The following PKNOX2 variants were observed in gnomAD, a reference collection of about 807,000 sequenced individuals.
The protein encoded by PKNOX2 is homeobox protein PKNOX2.
In PKNOX2, 14 loss-of-function variants were observed where a neutral mutation model predicts 53.1. That is an observed-to-expected ratio of 0.26 (90% confidence interval 0.17 to 0.41). The LOEUF is 0.41. PKNOX2 is among the 10% of genes least tolerant of loss of function. The probability of loss-of-function intolerance (pLI) is 1.00; values close to 1 mark genes in which losing one functional copy is unlikely to be tolerated. For missense variants in PKNOX2, 496 were observed against 602.8 expected (o/e 0.82, Z 1.85); for synonymous variants, 257 against 242.8 (o/e 1.06, Z -0.54).
At chr11:125,253,942 G>T (rs1022939006) in intron 2 of PKNOX2, among the ~76,000 whole-genome samples, 1 of 152,246 alleles carries the variant, frequency 6.6e-6, no homozygotes, top group African/African-American at 2.4e-5. Flanking sequence ...GGGGAAATGT[G>T]GGGGTTGGGA....
At chr11:125,263,305 C>T (rs1434650021) in intron 2 of PKNOX2, among the ~76,000 whole-genome samples, 1 of 152,222 alleles carries the variant, frequency 6.6e-6, no homozygotes, top group African/African-American at 2.4e-5. Flanking sequence ...CTCAGCCGCT[C>T]CCTTCCCGTC....
At chr11:125,407,885 T>C (rs986376837) in intron 7 of PKNOX2, among the ~76,000 whole-genome samples, 6 of 152,250 alleles carry the variant, frequency 3.9e-5, no homozygotes, top group African/African-American at 1.4e-4. Context: ...GTCTCATCGC[T>C]GAAAACTCAG....
At chr11:125,211,083 C>G (rs113864531) in intron 1 of PKNOX2, among the ~76,000 whole-genome samples, 1 of 152,114 alleles carries the variant, frequency 6.6e-6, no homozygotes, top group Non-Finnish European at 1.5e-5. Context: ...AGACAGTGAA[C>G]GTCAGTTCCC....
chr11:125,371,640 C>A (rs1952554089), intron 5 of PKNOX2, among the ~76,000 whole-genome samples: 2 of 151,810 alleles, frequency 1.3e-5, no homozygotes. Context: ...TAGGCCTGGC[C>A]AGGTGCGGGT....
rs1484661106 is a variant in PKNOX2 at position 125,433,037 on chromosome 11, T to C, written c.*1645T>C. 1 of 152,682 alleles carries C rather than the reference T, an allele frequency of 6.5e-6. No homozygotes were observed. Among genetic ancestry groups the C allele is most frequent in the Non-Finnish European group, 1.5e-5 (1 of 68,046 alleles). The allele number at this position is 152,682 out of a possible 1,614,324, so 9.5% of individuals were successfully genotyped here. ...AGGATTTTTGAGAAACAAATAACCT[T>C]ATTTATAATCTGGGTGATCCAATCA... On this transcript the variant is annotated 3_prime_UTR_variant, in exon 13 of 13. Transcript: ENST00000298282.
At chr11:125,196,497 G>A (rs922410229) in intron 1 of PKNOX2, among the ~76,000 whole-genome samples, 4 of 152,214 alleles carry the variant, frequency 2.6e-5, no homozygotes, top group Non-Finnish European at 5.9e-5. Flanking sequence ...TCACCAAGAA[G>A]CTTCATGCTG....
chr11:125,345,763 T>G (rs1366961936), intron 3 of PKNOX2, among the ~76,000 whole-genome samples: 5 of 152,184 alleles, frequency 3.3e-5, no homozygotes, highest in East Asian at 1.9e-4. Flanking sequence ...AAGATGAATA[T>G]CACACTATCA....
Position 125,366,930 on chromosome 11 carries a change from G to T in PKNOX2, c.88-916G>T, listed in dbSNP as rs189990767. 7.2e-5 allele frequency among the ~76,000 whole-genome samples: 11 copies of T among 152,294 alleles called. 1 individual carries two copies. The highest frequency in any genetic ancestry group is 7.2e-4 in the Admixed American group (11 of 15,298). On this transcript the variant is annotated intron_variant, in intron 4 of 12. Transcript: ENST00000298282. ...AGCTGGTGATGAAGGAGTGACCAAG[G>T]CCTCAGAGGAGAAGACAGATAAGTA...
intron 1 of PKNOX2, among the ~76,000 whole-genome samples, chr11:125,211,322 C>T (rs1374388875): frequency 2.6e-5 from 4 of 152,048 alleles, no homozygotes; most frequent in Non-Finnish European, 4.4e-5. Context: ...TTATGTATTC[C>T]TTTATTTGTT....
chr11:125,411,394 T>C (rs561418960), intron 9 of PKNOX2: 18 of 397,966 alleles, frequency 4.5e-5, no homozygotes, highest in South Asian at 3.5e-4. Flanking sequence ...TGCTGATAAC[T>C]ACTTGACAGC....
At chr11:125,176,961 T>C (rs1955756667) in intron 1 of PKNOX2, among the ~76,000 whole-genome samples, 1 of 152,238 alleles carries the variant, frequency 6.6e-6, no homozygotes, top group Non-Finnish European at 1.5e-5. Context: ...TTCCGCATTC[T>C]TCCTACAGCC....
intron 4 of PKNOX2, among the ~76,000 whole-genome samples, chr11:125,364,798 G>A (rs1952100263): frequency 6.6e-6 from 1 of 152,164 alleles, no homozygotes. Flanking sequence ...GCGCTGTGTG[G>A]TGGGTGGTGA....
rs1956046546 is a variant in PKNOX2, at chr11:125,179,707, A to G, written c.-201+14931A>G. 2.0e-5 allele frequency among the ~76,000 whole-genome samples: 3 copies of G among 152,166 alleles called. No individual in the cohort carries two copies. In the South Asian group the frequency reaches 6.2e-4, roughly 32 times the overall value. On this transcript the variant is annotated intron_variant, in intron 1 of 12. Transcript: ENST00000298282. Reference sequence around the variant, plus strand: ...GGTAAACTGAGTCTGAGATTCTGAAATGGAGACCAGGCCAACATTTGGCTA... The same window carrying G: ...GGTAAACTGAGTCTGAGATTCTGAAGTGGAGACCAGGCCAACATTTGGCTA...
chr11:125,215,112 G>A (rs575407277), intron 1 of PKNOX2, among the ~76,000 whole-genome samples: 1 of 152,206 alleles, frequency 6.6e-6, no homozygotes, highest in South Asian at 2.1e-4. Flanking sequence ...CTAGGTCCTG[G>A]GAGGGGAAGG....
chr11:125,411,593 C>T lies in PKNOX2; in HGVS notation c.817-153C>T, dbSNP rs748339917. 7 of 1,147,650 alleles carry T rather than the reference C, an allele frequency of 6.1e-6. No homozygotes were observed. In the East Asian group the frequency reaches 1.9e-4, roughly 31 times the overall value. The allele number at this position is 1,147,650 out of a possible 1,614,324, so 71.1% of individuals were successfully genotyped here. On this transcript the variant is annotated intron_variant, in intron 9 of 12. Coordinates refer to ENST00000298282, the MANE Select transcript of PKNOX2 (RefSeq NM_001382323.2). Reference sequence around the variant, plus strand: ...TCACCTCCACTCTCTGAGGGGCTGGCATGGGCTGAGAGGGAAAGGTGACCT... The same window carrying T: ...TCACCTCCACTCTCTGAGGGGCTGGTATGGGCTGAGAGGGAAAGGTGACCT...
At chr11:125,216,449 C>T (rs187104427) in intron 1 of PKNOX2, among the ~76,000 whole-genome samples, 25 of 152,250 alleles carry the variant, frequency 1.6e-4, no homozygotes, top group African/African-American at 4.6e-4. Flanking sequence ...GGGTGAGTCC[C>T]GGCAGGTGCT....
intron 2 of PKNOX2, among the ~76,000 whole-genome samples, chr11:125,249,424 C>T (rs573977647): frequency 3.9e-5 from 6 of 152,254 alleles, no homozygotes; most frequent in African/African-American, 1.4e-4. Context: ...CAATCAACAG[C>T]AGATGAAAAA....
intron 2 of PKNOX2, among the ~76,000 whole-genome samples, chr11:125,314,011 G>C (rs1034678713): frequency 6.6e-6 from 1 of 152,200 alleles, no homozygotes; most frequent in Non-Finnish European, 1.5e-5. Context: ...CCCCCAGTAA[G>C]CACTGGCCAT....
chr11:125,206,855 G>A (rs954947378), intron 1 of PKNOX2, among the ~76,000 whole-genome samples: 4 of 151,990 alleles, frequency 2.6e-5, no homozygotes, highest in African/African-American at 9.7e-5. Context: ...GAAGGATCAC[G>A]TTGGCAGTAT....
Sources: gnomAD v4.1 joint callset for allele counts (sites outside exome capture counted in the v4.1 genomes callset) on GRCh38, gnomAD v4.1.1 for gene constraint, MANE v1.5 for transcripts, NCBI Gene and HGNC (gene_info 2026-07-23, HGNC 2026-07-21) for gene names.